ITGBL1: variants seen among roughly 807,000 people sequenced by gnomAD.
ITGBL1 encodes the protein integrin beta-like protein 1.
In ITGBL1, 51 loss-of-function variants were observed where a neutral mutation model predicts 68.5. That is an observed-to-expected ratio of 0.74 (90% CI 0.59 to 0.94). The LOEUF is 0.94. ITGBL1 is among the 40% of genes least tolerant of loss of function. The pLI is 0.00. For synonymous variants in ITGBL1, 209 were observed against 227.3 expected (o/e 0.92, Z 0.72); for missense variants, 649 against 647.4 (o/e 1.00, Z -0.03).
chr13:101,693,248 C>G (rs191437090), intron 8 of ITGBL1, among the ~76,000 whole-genome samples: 3 of 152,228 alleles, frequency 2.0e-5, no homozygotes, highest in African/African-American at 7.2e-5. Context: ...GAGTGCTGAT[C>G]CGAGCACCTC....
intron 9 of ITGBL1, among the ~76,000 whole-genome samples, chr13:101,708,030 C>G (rs1223847887): frequency 1.6e-5 from 1 of 63,270 alleles, no homozygotes; most frequent in Non-Finnish European, 3.4e-5. Flanking sequence ...CATGCAAACA[C>G]ACACACACAC....
intron 2 of ITGBL1, among the ~76,000 whole-genome samples, chr13:101,520,114 A>AGTTTGTGTC (rs2049260580): frequency 6.6e-6 from 1 of 152,126 alleles, no homozygotes; most frequent in Non-Finnish European, 1.5e-5. Context: ...ATCACATAGA[A>AGTTTGTGTC]TTTGTACTCA....
intron 2 of ITGBL1, among the ~76,000 whole-genome samples, chr13:101,502,789 TC>T (rs1203661198): frequency 6.6e-6 from 1 of 152,182 alleles, no homozygotes; most frequent in Non-Finnish European, 1.5e-5. Flanking sequence ...GAGGCCCTTT[TC>T]CCCTAAATTC....
intron 2 of ITGBL1, among the ~76,000 whole-genome samples, chr13:101,471,510 A>ATGTG (rs10634284): frequency 0.014 from 1,809 of 133,896 alleles, 22 homozygotes; most frequent in Middle Eastern, 0.029. Flanking sequence ...ACAAATATAT[A>ATGTG]TGTGTGTGTG....
intron 2 of ITGBL1, among the ~76,000 whole-genome samples, chr13:101,526,699 T>G (rs1315304192): frequency 1.3e-5 from 2 of 149,320 alleles, no homozygotes; most frequent in Non-Finnish European, 3.0e-5. Context: ...GTAAGAAAAG[T>G]TCAGTAAACA....
At chr13:101,540,596 A>T (rs540327744) in intron 2 of ITGBL1, among the ~76,000 whole-genome samples, 29 of 152,280 alleles carry the variant, frequency 1.9e-4, no homozygotes, top group African/African-American at 6.0e-4. Context: ...GAAGAAAATC[A>T]TTGGTAGCTT....
At position 101,706,895 on chromosome 13, in the gene ITGBL1, G is replaced by A. The variant is rs755174762; in HGVS notation, c.1272G>A (p.Ser424=). Residue 424 remains serine (S), a synonymous_variant, in exon 9 of 11, where the codon TCG becomes TCA. Transcript: ENST00000376180. ...LCESADGILC[S]GKGSCHCGKC... is the part of the protein sequence containing the mutation. ...AATCAGCAGATGGCATATTGTGCTC[G>A]GGGAAGGGTGAGTATCTCTGCTGGT... 5.9e-5 allele frequency: 95 copies of A among 1,613,700 alleles called. No homozygotes were observed. The highest frequency in any genetic ancestry group is 7.7e-5 in the Non-Finnish European group (91 of 1,179,828).
intron 2 of ITGBL1, among the ~76,000 whole-genome samples, chr13:101,526,752 A>G (rs1222049120): frequency 9.5e-6 from 1 of 105,492 alleles, no homozygotes; most frequent in African/African-American, 4.7e-5. Context: ...TTTTTCTATA[A>G]TATATTTTTA....
intron 7 of ITGBL1, among the ~76,000 whole-genome samples, chr13:101,629,570 T>C (rs752526493): frequency 6.6e-6 from 1 of 152,164 alleles, no homozygotes; most frequent in East Asian, 1.9e-4. Context: ...ATGAAAGATA[T>C]AGCATTTTTT....
At chr13:101,613,643 G>A (rs2031232281) in intron 7 of ITGBL1, among the ~76,000 whole-genome samples, 2 of 152,086 alleles carry the variant, frequency 1.3e-5, no homozygotes, top group Admixed American at 6.6e-5. Flanking sequence ...TCAGACTCAA[G>A]GGATAAAGTT....
At chr13:101,541,816 C>T (rs1566723421) in intron 2 of ITGBL1, among the ~76,000 whole-genome samples, 1 of 152,142 alleles carries the variant, frequency 6.6e-6, no homozygotes, top group Non-Finnish European at 1.5e-5. Flanking sequence ...TTATCCATTT[C>T]TTCTAGATTT....
At chr13:101,709,640 A>G (rs905949833) in intron 9 of ITGBL1, among the ~76,000 whole-genome samples, 31 of 152,206 alleles carry the variant, frequency 2.0e-4, no homozygotes, top group African/African-American at 7.5e-4. Flanking sequence ...GAAGCTTTTC[A>G]CAGAAGCTCT....
At chr13:101,558,083 CAAAAAAAAAAAAAAAAAAAAA>C (rs568103738) in intron 2 of ITGBL1, among the ~76,000 whole-genome samples, 3 of 71,690 alleles carry the variant, frequency 4.2e-5, no homozygotes, top group Non-Finnish European at 2.5e-5. Context: ...AACTCCGTCT[CAAAAAAAAAAAAAAAAAAAAA>C]AAAAAAAAAA....
intron 8 of ITGBL1, among the ~76,000 whole-genome samples, chr13:101,694,614 G>T (rs547947373): frequency 6.6e-6 from 1 of 152,034 alleles, no homozygotes; most frequent in African/African-American, 2.4e-5. Flanking sequence ...AGATTTGGGG[G>T]TCTCACTAAG....
At chr13:101,511,495 G>T (rs12874777) in intron 2 of ITGBL1, among the ~76,000 whole-genome samples, 590 of 152,200 alleles carry the variant, frequency 3.9e-3, no homozygotes, top group Non-Finnish European at 7.1e-3. Flanking sequence ...TTTTGCAGAA[G>T]CATTAAGTCC....
intron 6 of ITGBL1, among the ~76,000 whole-genome samples, chr13:101,594,078 A>G (rs1398996510): frequency 6.6e-6 from 1 of 152,150 alleles, no homozygotes; most frequent in Non-Finnish European, 1.5e-5. Context: ...AGTAATAACA[A>G]AAAAATCTTA....
At chr13:101,703,771 G>A (rs947789133) in intron 8 of ITGBL1, among the ~76,000 whole-genome samples, 1 of 152,182 alleles carries the variant, frequency 6.6e-6, no homozygotes, top group Non-Finnish European at 1.5e-5. Context: ...GCAGCTTTTG[G>A]AAAGAAAATC....
intron 8 of ITGBL1, among the ~76,000 whole-genome samples, chr13:101,703,689 A>G (rs2034187011): frequency 6.6e-6 from 1 of 152,220 alleles, no homozygotes; most frequent in Admixed American, 6.5e-5. Flanking sequence ...GGAAATTCAA[A>G]TGAGACTCAA....
chr13:101,553,037 T>C (rs566320575), intron 2 of ITGBL1, among the ~76,000 whole-genome samples: 1 of 152,294 alleles, frequency 6.6e-6, no homozygotes, highest in East Asian at 1.9e-4. Context: ...TGACATTTTT[T>C]TCAGACAAAG....
Sources: allele counts gnomAD v4.1 joint callset (sites outside exome capture counted in the v4.1 genomes callset), GRCh38; gene constraint gnomAD v4.1.1; transcripts MANE v1.5; gene names NCBI Gene and HGNC (gene_info 2026-07-23, HGNC 2026-07-21).